LSAMP: variants seen among roughly 807,000 people sequenced by gnomAD.
LSAMP encodes the protein limbic system associated membrane protein, also known as limbic system-associated membrane protein.
A neutral mutation model predicts 38.6 loss-of-function variants in LSAMP; 7 were observed. The ratio of observed to expected loss-of-function variants is 0.18; its 90% confidence interval spans 0.10 to 0.34. The LOEUF (loss-of-function observed/expected upper bound fraction) is 0.34, where lower values mean the gene tolerates loss of function less well. Ranked by LOEUF, LSAMP falls within the 10% of genes least tolerant of loss-of-function variation. The pLI is 1.00. For missense variants in LSAMP, 313 were observed against 420.0 expected (o/e 0.75, Z 2.23); for synonymous variants, 154 against 166.8 (o/e 0.92, Z 0.59).
intron 2 of LSAMP, among the ~76,000 whole-genome samples, chr3:116,066,027 A>G (rs1707419503): frequency 1.3e-5 from 2 of 152,250 alleles, no homozygotes; most frequent in South Asian, 4.1e-4. Flanking sequence ...CTGCTATAAC[A>G]AAATACCATA....
At chr3:115,993,052 C>T (rs918397320) in intron 3 of LSAMP, among the ~76,000 whole-genome samples, 1 of 152,052 alleles carries the variant, frequency 6.6e-6, no homozygotes, top group African/African-American at 2.4e-5. Flanking sequence ...GCTATGTATG[C>T]CTAAGTAGTT....
chr3:115,871,336 G>T (rs1429301609), intron 3 of LSAMP, among the ~76,000 whole-genome samples: 2 of 151,822 alleles, frequency 1.3e-5, no homozygotes, highest in African/African-American at 2.4e-5. Flanking sequence ...AGTTTATTCA[G>T]CAGAGACAGA....
intron 2 of LSAMP, among the ~76,000 whole-genome samples, chr3:116,049,987 A>G (rs936525739): frequency 6.6e-6 from 1 of 152,206 alleles, no homozygotes; most frequent in Non-Finnish European, 1.5e-5. Context: ...CCATTTACAC[A>G]GAGTGGCCCA....
intron 1 of LSAMP, among the ~76,000 whole-genome samples, chr3:116,333,706 A>G (rs998230316): frequency 6.6e-6 from 1 of 152,156 alleles, no homozygotes; most frequent in African/African-American, 2.4e-5. Context: ...AAATTAAAAA[A>G]TACTTAGCGA....
intron 6 of LSAMP, among the ~76,000 whole-genome samples, chr3:115,820,845 G>A (rs983757739): frequency 1.3e-5 from 2 of 152,108 alleles, no homozygotes; most frequent in Non-Finnish European, 2.9e-5. Context: ...TTAGAACCAC[G>A]GTGCCTGAAC....
intron 2 of LSAMP, among the ~76,000 whole-genome samples, chr3:116,066,022 A>G (rs915104015): frequency 6.6e-6 from 1 of 152,240 alleles, no homozygotes; most frequent in African/African-American, 2.4e-5. Flanking sequence ...GCAGGCTGCT[A>G]TAACAAAATA....
intron 1 of LSAMP, among the ~76,000 whole-genome samples, chr3:116,396,357 C>T (rs545766073): frequency 3.9e-5 from 6 of 152,220 alleles, no homozygotes; most frequent in Non-Finnish European, 5.9e-5. Context: ...GCCTGGGATT[C>T]GCCTCTTTTT....
intron 2 of LSAMP, among the ~76,000 whole-genome samples, chr3:116,076,270 T>TA (rs1276713043): frequency 6.6e-6 from 1 of 151,824 alleles, no homozygotes; most frequent in Non-Finnish European, 1.5e-5. Context: ...TTTTTTTTTT[T>TA]AATTTGAGAC....
rs146365277 is a variant in LSAMP, at chr3:116,148,791, A to C, written c.156-62235T>G. Reference sequence around the variant, plus strand: ...GGGGCCTATTGCAGATTCAGAATAAATCAGTAACAATATTGGACAATAGTC... The same window carrying C: ...GGGGCCTATTGCAGATTCAGAATAACTCAGTAACAATATTGGACAATAGTC... On this transcript the variant is annotated intron_variant, in intron 1 of 6. Transcript: ENST00000490035. Among the ~76,000 whole-genome samples, 51 of 152,146 alleles carry C rather than the reference A, an allele frequency of 3.4e-4. No individual in the cohort carries two copies. In the East Asian group the frequency reaches 9.5e-3, roughly 28 times the overall value.
At chr3:115,843,281 T>G (rs1935052931) in intron 4 of LSAMP, among the ~76,000 whole-genome samples, 1 of 152,256 alleles carries the variant, frequency 6.6e-6, no homozygotes, top group Admixed American at 6.5e-5. Flanking sequence ...TTGATTTTTA[T>G]GCCCAGGAAT....
chr3:116,123,010 A>C (rs1423047188), intron 1 of LSAMP, among the ~76,000 whole-genome samples: 3 of 152,228 alleles, frequency 2.0e-5, no homozygotes, highest in Non-Finnish European at 2.9e-5. Context: ...GGCACTGAGG[A>C]AAGACTGGCT....
rs2047726702 is a variant in LSAMP at position 116,323,102 on chromosome 3, T to C, written c.155+121775A>G. Among the ~76,000 whole-genome samples, 3 of 152,152 alleles carry C rather than the reference T, an allele frequency of 2.0e-5. No individual in the cohort carries two copies. The South Asian group carries it at 6.2e-4, about 31-fold the overall frequency. On this transcript the variant is annotated intron_variant, in intron 1 of 6. Transcript: ENST00000490035. ...AGCTCCATTATAAGGATATACTTTC[T>C]AATGAATTTTTTACTCTAAATTCAG...
intron 3 of LSAMP, among the ~76,000 whole-genome samples, chr3:115,996,277 A>C (rs1057144494): frequency 2.6e-5 from 4 of 152,128 alleles, no homozygotes; most frequent in African/African-American, 9.7e-5. Context: ...TACACATTGA[A>C]CATTTACTAC....
intron 1 of LSAMP, among the ~76,000 whole-genome samples, chr3:116,103,634 C>T (rs1289547190): frequency 1.4e-5 from 2 of 147,006 alleles, no homozygotes; most frequent in Admixed American, 1.4e-4. Context: ...TTTATATATC[C>T]TTCCCTTTTT....
intron 3 of LSAMP, among the ~76,000 whole-genome samples, chr3:115,947,889 G>C (rs1938154196): frequency 6.6e-6 from 1 of 152,152 alleles, no homozygotes; most frequent in Non-Finnish European, 1.5e-5. Flanking sequence ...CCTCCAACCA[G>C]GTAGCTGGCT....
At chr3:116,353,491 A>C (rs1021316386) in intron 1 of LSAMP, among the ~76,000 whole-genome samples, 3 of 152,110 alleles carry the variant, frequency 2.0e-5, no homozygotes, top group African/African-American at 7.2e-5. Flanking sequence ...TTGAAGACAG[A>C]GATCCTGTCT....
intron 3 of LSAMP, among the ~76,000 whole-genome samples, chr3:115,857,093 GC>G (rs1414937423): frequency 6.6e-6 from 1 of 152,168 alleles, no homozygotes; most frequent in Non-Finnish European, 1.5e-5. Context: ...GGCATCTCTG[GC>G]CATGTCCTGA....
chr3:116,150,838 TAGAA>T (rs895735949), intron 1 of LSAMP, among the ~76,000 whole-genome samples: 6 of 152,022 alleles, frequency 3.9e-5, no homozygotes, highest in African/African-American at 1.4e-4. Context: ...ACTACTAATT[TAGAA>T]AGAAGAAAAA....
At chr3:115,923,862 TA>T (rs1347756841) in intron 3 of LSAMP, among the ~76,000 whole-genome samples, 1 of 152,226 alleles carries the variant, frequency 6.6e-6, no homozygotes, top group Non-Finnish European at 1.5e-5. Context: ...TTCATTTTTA[TA>T]TTAGCATTCA....
Sources: allele counts gnomAD v4.1 joint callset (sites outside exome capture counted in the v4.1 genomes callset), GRCh38; gene constraint gnomAD v4.1.1; transcripts MANE v1.5; gene names NCBI Gene and HGNC (gene_info 2026-07-23, HGNC 2026-07-21).